Variants in CNTN1 observed in about 807,000 individuals in gnomAD.
The protein encoded by CNTN1 is contactin 1.
CNTN1 carries 38 observed loss-of-function variants against 126.4 expected under a neutral mutation model. The observed-to-expected ratio is 0.30, with a 90% CI of 0.23 to 0.39. CNTN1 has a LOEUF of 0.39. CNTN1 is among the 10% of genes least tolerant of loss of function. The pLI is 1.00. For missense variants in CNTN1, 1,009 were observed against 1,248.4 expected (o/e 0.81, Z 2.89); for synonymous variants, 413 against 422.6 (o/e 0.98, Z 0.28).
intron 1 of CNTN1, among the ~76,000 whole-genome samples, chr12:40,775,020 G>T (rs966084947): frequency 7.9e-5 from 12 of 151,188 alleles, no homozygotes; most frequent in African/African-American, 2.9e-4. Flanking sequence ...AATTCAACTG[G>T]CTTAATTTAA....
chr12:41,014,197 T>G (rs760665534), intron 17 of CNTN1, 31 bp from the exon 18 acceptor site: 1 of 1,609,212 alleles, frequency 6.2e-7, no homozygotes, highest in East Asian at 2.2e-5. Flanking sequence ...TTTTTGTTGT[T>G]GTTTTGCATA....
intron 3 of CNTN1, among the ~76,000 whole-genome samples, chr12:40,912,632 T>C (rs61924391): frequency 6.6e-6 from 1 of 151,910 alleles, no homozygotes; most frequent in African/African-American, 2.4e-5. Flanking sequence ...AAAGCTAATA[T>C]TTAAAAAAAA....
chr12:40,929,253 A>G (rs915926214), intron 6 of CNTN1, among the ~76,000 whole-genome samples: 3 of 151,752 alleles, frequency 2.0e-5, no homozygotes, highest in Non-Finnish European at 4.4e-5. Context: ...CCAGTACCAT[A>G]CTTTTCCCTG....
chr12:40,949,495 A>G (rs1456692817), intron 14 of CNTN1, among the ~76,000 whole-genome samples: 2 of 133,736 alleles, frequency 1.5e-5, no homozygotes, highest in Non-Finnish European at 3.1e-5. Context: ...CTCATTGTTC[A>G]ATATTTCATT....
chr12:40,890,698 T>A (rs1430599558), intron 1 of CNTN1, among the ~76,000 whole-genome samples: 1 of 152,188 alleles, frequency 6.6e-6, no homozygotes, highest in African/African-American at 2.4e-5. Context: ...TTCTTTTTAG[T>A]GCTAAATAAT....
At chr12:40,935,803 A>T (rs973532841) in intron 9 of CNTN1, among the ~76,000 whole-genome samples, 37 of 152,204 alleles carry the variant, frequency 2.4e-4, no homozygotes, top group African/African-American at 8.2e-4. Context: ...ATATGTCTAC[A>T]TGTATAATGT....
intron 23 of CNTN1, among the ~76,000 whole-genome samples, chr12:41,034,057 T>A (rs796256358): frequency 6.6e-6 from 1 of 151,358 alleles, no homozygotes; most frequent in Non-Finnish European, 1.5e-5. Context: ...CTCAAAAAAA[T>A]AAAAATAAAA....
At chr12:40,812,932 C>A (rs892661333) in intron 1 of CNTN1, among the ~76,000 whole-genome samples, 1 of 140,390 alleles carries the variant, frequency 7.1e-6, no homozygotes, top group African/African-American at 2.6e-5. Flanking sequence ...CTTAATACTG[C>A]CAGTTTGTTA....
chr12:40,929,810 C>G lies in CNTN1; in HGVS notation c.511C>G (p.Arg171Gly). 6.2e-7 allele frequency: 1 copy of G among 1,611,382 alleles called. No homozygotes were observed. The highest frequency in any genetic ancestry group is 8.5e-7 in the Non-Finnish European group (1 of 1,178,220). ...PYHFPDDLSYRWLLNEFPVFI... is the reference protein window; with the variant it reads ...PYHFPDDLSYGWLLNEFPVFI... ...TTTTCTCCTAGATGATCTTAGCTAT[C>G]GCTGGCTTCTAAATGAATTTCCTGT... The change falls in exon 7 of 24, where the codon CGC becomes GGC. Residue 171 changes from arginine (R) to glycine (G), a missense_variant. By Grantham distance (125) the Arg-to-Gly change is moderately radical (BLOSUM62 -2). Coordinates refer to ENST00000551295, the MANE Select transcript of CNTN1 (RefSeq NM_001843.4).
intron 1 of CNTN1, among the ~76,000 whole-genome samples, chr12:40,773,672 T>TATAC (rs1475496300): frequency 2.1e-4 from 2 of 9,700 alleles, no homozygotes; most frequent in African/African-American, 3.9e-4. Context: ...TATATATATA[T>TATAC]ACACATATAT....
Position 41,025,211 on chromosome 12 carries a change from A to G in CNTN1, c.2585A>G (p.Gln862Arg). The change falls in exon 21 of 24, where the codon CAA (glutamine) becomes CGA (arginine). Residue 862 changes from glutamine to arginine, a missense_variant. Gln to Arg is a conservative substitution (Grantham distance 43). Transcript: ENST00000551295. ...EAANRVQVTS[Q>R]EYSARLENLL... ...GCAAACAGAGTTCAAGTCACCAGCC[A>G]AGAGTACTCGGCCAGGCTCGAGAAC... The G allele has an allele frequency of 1.9e-6, 3 of 1,614,014 alleles. No homozygotes were observed. Among genetic ancestry groups the G allele is most frequent in the Non-Finnish European group, 2.5e-6 (3 of 1,179,904 alleles).
At chr12:40,766,510 T>A (rs1204013828) in intron 1 of CNTN1, among the ~76,000 whole-genome samples, 1 of 152,136 alleles carries the variant, frequency 6.6e-6, no homozygotes, top group Non-Finnish European at 1.5e-5. Context: ...GTGTATGTAT[T>A]GGATGGGGCT....
In CNTN1 at chr12:40,999,511, T is replaced by A. The variant is rs74076929; in HGVS notation, c.2113+6242T>A. Among the ~76,000 whole-genome samples, 479 of 152,236 alleles carry A rather than the reference T, an allele frequency of 3.1e-3. 1 individual carries two copies. The highest frequency in any genetic ancestry group is 0.011 in the African/African-American group (468 of 41,542). ...CAGGGCTGAGTGCAAATAGAGCACC[T>A]AACTCCTCTATTCTCAGATTCATGT... On this transcript the variant is annotated intron_variant, in intron 17 of 23. Transcript: ENST00000551295.
intron 23 of CNTN1, 84 bp downstream of exon 23, chr12:41,029,303 T>G (rs1223688278): frequency 7.0e-7 from 1 of 1,438,084 alleles, no homozygotes; most frequent in Admixed American, 1.7e-5. Flanking sequence ...GGGATAAGCC[T>G]GATACACCAG....
chr12:40,933,515 C>T lies in CNTN1; in HGVS notation c.758C>T (p.Ala253Val). 6.2e-7 allele frequency: 1 copy of T among 1,611,944 alleles called. No individual in the cohort carries two copies. Among genetic ancestry groups the T allele is most frequent in the Non-Finnish European group, 8.5e-7 (1 of 1,178,436 alleles). The change falls in exon 8 of 24, where the codon GCA becomes GTA. Residue 253 changes from alanine to valine, a missense_variant. Physicochemically the swap from Ala to Val is moderately conservative, Grantham distance 64 (BLOSUM62 0). Transcript: ENST00000551295. ...GTAGTTCAGTTCAAGGATGTATATG[C>T]ATTGATGGGCCAAAATGTGACCTTA... ...DIVVQFKDVYALMGQNVTLEC... is the reference protein window; with the variant it reads ...DIVVQFKDVYVLMGQNVTLEC...
intron 1 of CNTN1, among the ~76,000 whole-genome samples, chr12:40,851,974 G>A (rs11178760): frequency 0.16 from 23,831 of 152,034 alleles, 2,731 homozygotes; most frequent in African/African-American, 0.33. Flanking sequence ...CATCTTTCCG[G>A]TGCCTGTACA....
intron 1 of CNTN1, among the ~76,000 whole-genome samples, chr12:40,833,556 G>A (rs1453049443): frequency 8.0e-6 from 1 of 125,298 alleles, no homozygotes; most frequent in Non-Finnish European, 1.6e-5. Flanking sequence ...AAATAAATTA[G>A]CCAAGTCTTT....
intron 7 of CNTN1, among the ~76,000 whole-genome samples, chr12:40,930,326 A>C (rs1945840718): frequency 6.6e-6 from 1 of 152,028 alleles, no homozygotes; most frequent in African/African-American, 2.4e-5. Context: ...TTTTGTGGCC[A>C]TTCCTACTTC....
At chr12:40,836,006 G>A (rs1236701941) in intron 1 of CNTN1, among the ~76,000 whole-genome samples, 3 of 80,838 alleles carry the variant, frequency 3.7e-5, no homozygotes, top group African/African-American at 1.2e-4. Flanking sequence ...GTGTGTGTGT[G>A]TGTATATATG....
Sources: gnomAD v4.1 joint callset for allele counts (sites outside exome capture counted in the v4.1 genomes callset) on GRCh38, gnomAD v4.1.1 for gene constraint, MANE v1.5 for transcripts, NCBI Gene and HGNC (gene_info 2026-07-23, HGNC 2026-07-21) for gene names.